Variants in ENPP3 observed in about 807,000 individuals in gnomAD.
The protein encoded by ENPP3 is ectonucleotide pyrophosphatase/phosphodiesterase 3.
In ENPP3, 104 loss-of-function variants were observed where a neutral mutation model predicts 117.8. That is an observed-to-expected ratio of 0.88 (90% CI 0.75 to 1.04). ENPP3 has a LOEUF of 1.04. Among genes scored for constraint, ENPP3 ranks in the 50% least tolerant of loss-of-function variants. The pLI is 0.00. For missense variants in ENPP3, 1,026 were observed against 1,051.9 expected (o/e 0.98, Z 0.34); for synonymous variants, 380 against 349.9 (o/e 1.09, Z -0.96).
chr6:131,679,603 G>A (rs1056660372), intron 11 of ENPP3, among the ~76,000 whole-genome samples: 4 of 150,892 alleles, frequency 2.7e-5, no homozygotes, highest in African/African-American at 7.3e-5. Context: ...GGAAAAGATC[G>A]GAGTCCCCCA....
In ENPP3 at chr6:131,676,724, C is replaced by T; in HGVS notation, c.873-12C>T. The T allele has an allele frequency of 1.3e-6, 2 of 1,550,270 alleles. No individual in the cohort carries two copies. Among genetic ancestry groups the T allele is most frequent in the Non-Finnish European group, 1.8e-6 (2 of 1,122,298 alleles). On this transcript the variant is annotated splice_polypyrimidine_tract_variant and intron_variant, in intron 9 of 24. Transcript: ENST00000357639. ...TTCATTTTAAAGAATTATTTCTACC[C>T]TATTTTTTCAGAAGTGTCCCATTTG... is the stretch of plus-strand genomic sequence containing the variant.
At chr6:131,693,313 C>T (rs984754062) in intron 14 of ENPP3, among the ~76,000 whole-genome samples, 184 bp from the exon 15 acceptor site, 21 of 142,614 alleles carry the variant, frequency 1.5e-4, no homozygotes, top group Non-Finnish European at 2.4e-4. Context: ...ATCATTGCAA[C>T]GGCAAAACTA....
chr6:131,740,305 G>C lies in ENPP3; in HGVS notation c.2382G>C (p.Pro794=). ...GTTGTAAAAACAAGAGCCACACACC[G>C]GAAAACTGCCCTGGGTGGCTGGATG... is the stretch of plus-strand genomic sequence containing the variant. ...LTSCKNKSHT[P]ENCPGWLDVL... Residue 794 remains proline, a synonymous_variant, in exon 24 of 25, where the codon CCG becomes CCC. Coordinates refer to ENST00000357639, the MANE Select transcript of ENPP3 (RefSeq NM_005021.5). 1 of 1,613,172 alleles carries C rather than the reference G, an allele frequency of 6.2e-7. No homozygotes were observed. Among genetic ancestry groups the C allele is most frequent in the Non-Finnish European group, 8.5e-7 (1 of 1,179,560 alleles).
chr6:131,675,837 G>A (rs749370645), intron 9 of ENPP3, among the ~76,000 whole-genome samples: 31 of 152,158 alleles, frequency 2.0e-4, no homozygotes, highest in Admixed American at 5.2e-4. Flanking sequence ...GCGCGACTCC[G>A]TCTCAAATGA....
At chr6:131,716,702 C>G (rs1266248718) in intron 15 of ENPP3, among the ~76,000 whole-genome samples, 4 of 150,706 alleles carry the variant, frequency 2.7e-5, no homozygotes, top group Non-Finnish European at 5.9e-5. Context: ...GGTGTGGTGG[C>G]TCATGCCTGT....
At chr6:131,738,412 T>C (rs1390588307) in intron 23 of ENPP3, among the ~76,000 whole-genome samples, 1 of 152,080 alleles carries the variant, frequency 6.6e-6, no homozygotes, top group Non-Finnish European at 1.5e-5. Flanking sequence ...GCTGAATTAA[T>C]GGGCAAAGAT....
At chr6:131,693,975 A>G (rs1463557627) in intron 15 of ENPP3, among the ~76,000 whole-genome samples, 1 of 152,042 alleles carries the variant, frequency 6.6e-6, no homozygotes, top group African/African-American at 2.4e-5. Context: ...TGATTACACA[A>G]CTCTTTAAGA....
intron 24 of ENPP3, among the ~76,000 whole-genome samples, chr6:131,741,214 G>A (rs1178222428): frequency 1.3e-5 from 2 of 152,064 alleles, no homozygotes; most frequent in African/African-American, 4.8e-5. Flanking sequence ...TTTTACTGAA[G>A]TCATTCAACA....
At chr6:131,692,414 A>G (rs942549622) in intron 14 of ENPP3, among the ~76,000 whole-genome samples, 30 of 152,142 alleles carry the variant, frequency 2.0e-4, no homozygotes, top group Non-Finnish European at 5.9e-5. Flanking sequence ...TAGGGAGACT[A>G]TAATAGGTTT....
chr6:131,725,128 A>T (rs982097887), intron 19 of ENPP3, among the ~76,000 whole-genome samples: 28 of 151,752 alleles, frequency 1.8e-4, no homozygotes, highest in African/African-American at 6.5e-4. Flanking sequence ...GAGGAGGCTG[A>T]GGTAGGAGAA....
chr6:131,648,277 C>G (rs1315132881), intron 2 of ENPP3, among the ~76,000 whole-genome samples: 3 of 151,644 alleles, frequency 2.0e-5, no homozygotes, highest in African/African-American at 4.8e-5. Context: ...TATGTCAGTC[C>G]TCATTGTCCT....
intron 24 of ENPP3, among the ~76,000 whole-genome samples, chr6:131,746,335 A>G (rs1031097566): frequency 6.6e-6 from 1 of 152,172 alleles, no homozygotes; most frequent in African/African-American, 2.4e-5. Flanking sequence ...ATAGATTACA[A>G]ACGTTAATAC....
rs115334983 is a variant in ENPP3, at chr6:131,645,142, T to A, written c.154+3612T>A. Among the ~76,000 whole-genome samples, 677 of 152,334 alleles carry A rather than the reference T, an allele frequency of 4.4e-3. 2 individuals are homozygous for A. Among genetic ancestry groups the A allele is most frequent in the African/African-American group, 0.015 (640 of 41,576 alleles). On this transcript the variant is annotated intron_variant, in intron 2 of 24. Transcript: ENST00000357639. ...CCTCTCTTGGTGCTGAGCACCCAAA[T>A]TGGCTTTAGTTCCTCACAATCACAT...
chr6:131,725,940 T>C (rs1780144732), intron 19 of ENPP3, 106 bp from the exon 20 acceptor site: 3 of 640,918 alleles, frequency 4.7e-6, no homozygotes, highest in Non-Finnish European at 8.1e-6. Context: ...ACTTGTCATA[T>C]AATAAGCCAT....
chr6:131,672,542 T>C (rs1778767892), intron 7 of ENPP3, among the ~76,000 whole-genome samples: 2 of 152,098 alleles, frequency 1.3e-5, no homozygotes, highest in Admixed American at 6.5e-5. Flanking sequence ...AAAAATGTCG[T>C]AATCAGAGGC....
intron 12 of ENPP3, among the ~76,000 whole-genome samples, chr6:131,684,499 G>A (rs1779105882): frequency 6.6e-6 from 1 of 152,104 alleles, no homozygotes; most frequent in African/African-American, 2.4e-5. Flanking sequence ...GGCCAATATG[G>A]TGAAACCCCA....
At chr6:131,694,113 T>C (rs544691150) in intron 15 of ENPP3, among the ~76,000 whole-genome samples, 1 of 152,364 alleles carries the variant, frequency 6.6e-6, no homozygotes, top group Non-Finnish European at 1.5e-5. Flanking sequence ...TATTGAAACA[T>C]TTGCAAAATT....
At chr6:131,679,014 C>CTTCCTTCT (rs1778951020) in intron 11 of ENPP3, among the ~76,000 whole-genome samples, 1 of 80,308 alleles carries the variant, frequency 1.2e-5, no homozygotes, top group Non-Finnish European at 2.4e-5. Flanking sequence ...TCCTTCCTTC[C>CTTCCTTCT]TTCCTTCCTT....
At chr6:131,725,895 G>T (rs1014516047) in intron 19 of ENPP3, 151 bp from the exon 20 acceptor site, 1 of 462,472 alleles carries the variant, frequency 2.2e-6, no homozygotes, top group African/African-American at 1.9e-5. Flanking sequence ...TGTAAGAATT[G>T]AAAGAGGTTA....
Sources: gnomAD v4.1 joint callset for allele counts (sites outside exome capture counted in the v4.1 genomes callset) on GRCh38, gnomAD v4.1.1 for gene constraint, MANE v1.5 for transcripts, NCBI Gene and HGNC (gene_info 2026-07-23, HGNC 2026-07-21) for gene names.